Variants in MAPK8 observed in about 807,000 individuals in gnomAD.
MAPK8 encodes JUN N-terminal kinase.
In MAPK8, 13 loss-of-function variants were observed where a neutral mutation model predicts 52.9. The ratio of observed to expected loss-of-function variants is 0.25; its 90% CI spans 0.16 to 0.39. The LOEUF is 0.39. Ranked by LOEUF, MAPK8 falls within the 10% of genes least tolerant of loss-of-function variation. The probability of loss-of-function intolerance (pLI) is 1.00; values close to 1 mark genes in which losing one functional copy is unlikely to be tolerated. For missense variants in MAPK8, 300 were observed against 519.2 expected, an observed-to-expected ratio of 0.58 and a Z score of 4.10; for synonymous variants, 191 against 169.8, an observed-to-expected ratio of 1.12 and a Z score of -0.97.
At chr10:48,327,017 A>C (rs1843590630) in intron 1 of MAPK8, among the ~76,000 whole-genome samples, 1 of 152,186 alleles carries the variant, frequency 6.6e-6, no homozygotes, top group Non-Finnish European at 1.5e-5. Context: ...TGCAAACAGA[A>C]ACAGTTTTAT....
intron 1 of MAPK8, among the ~76,000 whole-genome samples, chr10:48,321,091 T>TTG (rs1554809411): frequency 1.4e-5 from 2 of 144,596 alleles, no homozygotes; most frequent in East Asian, 4.0e-4. Context: ...TTGTAAGAGT[T>TTG]TTTTTTTTTT....
chr10:48,330,054 TGA>T (rs1395307150), intron 1 of MAPK8, among the ~76,000 whole-genome samples: 10 of 152,242 alleles, frequency 6.6e-5, no homozygotes, highest in Non-Finnish European at 1.3e-4. Flanking sequence ...TGTGCACATG[TGA>T]GAGAGATTTA....
chr10:48,324,804 A>T (rs1843340883), intron 1 of MAPK8, among the ~76,000 whole-genome samples: 1 of 152,194 alleles, frequency 6.6e-6, no homozygotes, highest in Non-Finnish European at 1.5e-5. Context: ...TCTATCCATT[A>T]TAACAATGGG....
intron 11 of MAPK8, among the ~76,000 whole-genome samples, chr10:48,433,084 T>C (rs1168904794): frequency 2.0e-5 from 3 of 152,192 alleles, no homozygotes; most frequent in African/African-American, 4.8e-5. Flanking sequence ...GCCTTGAGTG[T>C]ATAGAGGCTC....
intron 1 of MAPK8, among the ~76,000 whole-genome samples, chr10:48,361,406 T>C (rs1035951498): frequency 6.6e-6 from 1 of 152,130 alleles, no homozygotes; most frequent in Non-Finnish European, 1.5e-5. Context: ...TGTTTTCCAC[T>C]TCCCTTCTCC....
intron 1 of MAPK8, among the ~76,000 whole-genome samples, chr10:48,370,240 A>C (rs1302592294): frequency 6.6e-6 from 1 of 152,154 alleles, no homozygotes. Flanking sequence ...ATTATTTACA[A>C]ATAAGGTAAA....
chr10:48,349,871 C>G (rs1846136752), intron 1 of MAPK8, among the ~76,000 whole-genome samples: 2 of 151,910 alleles, frequency 1.3e-5, no homozygotes, highest in Admixed American at 6.6e-5. Flanking sequence ...GACTGCTAGT[C>G]AGACTAATAA....
chr10:48,353,515 A>G (rs1846543101), intron 1 of MAPK8, among the ~76,000 whole-genome samples: 1 of 152,256 alleles, frequency 6.6e-6, no homozygotes, highest in Admixed American at 6.5e-5. Context: ...GTACTGGCAC[A>G]GTTGGATAGC....
chr10:48,334,708 C>T (rs920030907), intron 1 of MAPK8, among the ~76,000 whole-genome samples: 13 of 152,132 alleles, frequency 8.5e-5, no homozygotes, highest in East Asian at 1.9e-4. Context: ...AGATCCCAGA[C>T]GGGCCCCCAA....
At chr10:48,328,441 T>G (rs1843747052) in intron 1 of MAPK8, among the ~76,000 whole-genome samples, 1 of 152,204 alleles carries the variant, frequency 6.6e-6, no homozygotes, top group Admixed American at 6.5e-5. Flanking sequence ...TCTCTTGAGG[T>G]GGCTGCTGTG....
chr10:48,365,719 C>G (rs1847972143), intron 1 of MAPK8, among the ~76,000 whole-genome samples: 1 of 152,048 alleles, frequency 6.6e-6, no homozygotes, highest in African/African-American at 2.4e-5. Flanking sequence ...ATATTGAATC[C>G]TAGCCATTTT....
intron 7 of MAPK8, 107 bp from the exon 8 acceptor site, chr10:48,425,779 GCC>G (rs2043643307): frequency 5.0e-6 from 3 of 599,800 alleles, no homozygotes; most frequent in Non-Finnish European, 8.2e-6. Flanking sequence ...ATTTATAACT[GCC>G]ACATCCTTTC....
chr10:48,394,232 CTCTT>C (rs1283118424), intron 1 of MAPK8, among the ~76,000 whole-genome samples: 1 of 151,892 alleles, frequency 6.6e-6, no homozygotes, highest in Non-Finnish European at 1.5e-5. Context: ...TTTCCATACA[CTCTT>C]TCTGAAAATA....
intron 5 of MAPK8, among the ~76,000 whole-genome samples, chr10:48,414,961 TAATAA>T (rs1372494175): frequency 6.6e-6 from 1 of 152,106 alleles, no homozygotes; most frequent in Non-Finnish European, 1.5e-5. Flanking sequence ...CTTACTCATG[TAATAA>T]AATAAATACA....
chr10:48,392,802 A>G (rs2041696793), intron 1 of MAPK8, among the ~76,000 whole-genome samples: 1 of 151,986 alleles, frequency 6.6e-6, no homozygotes, highest in Admixed American at 6.6e-5. Context: ...ACTCCTCTTT[A>G]TCTATTTCAT....
intron 6 of MAPK8, among the ~76,000 whole-genome samples, chr10:48,422,157 G>A (rs986034219): frequency 6.6e-6 from 1 of 151,886 alleles, no homozygotes; most frequent in South Asian, 2.1e-4. Flanking sequence ...TTCAGCCTAC[G>A]AGTAGCTGGG....
intron 7 of MAPK8, chr10:48,424,675 C>A: frequency 1.4e-6 from 1 of 727,754 alleles, no homozygotes; most frequent in Non-Finnish European, 2.2e-6. Context: ...TATTTTGTCT[C>A]TCCCTAATAT....
intron 1 of MAPK8, among the ~76,000 whole-genome samples, chr10:48,390,335 A>G (rs1291439180): frequency 3.3e-5 from 5 of 152,220 alleles, no homozygotes; most frequent in African/African-American, 1.2e-4. Context: ...AACCAAATAT[A>G]TGGGCACCCT....
Position 48,399,856 on chromosome 10 carries a change from C to G in MAPK8, c.-49-1756C>G, listed in dbSNP as rs72794374. On this transcript the variant is annotated intron_variant, in intron 1 of 11. Transcript: ENST00000374189. Reference sequence around the variant, plus strand: ...TGAATGCTTGGGTGGAAGGTTTAACCTTCCCAAAGGTGAAAACACCATCAA... The same window carrying G: ...TGAATGCTTGGGTGGAAGGTTTAACGTTCCCAAAGGTGAAAACACCATCAA... 8.1e-3 allele frequency among the ~76,000 whole-genome samples: 1,229 copies of G among 151,978 alleles called. 8 individuals are homozygous for G. Among genetic ancestry groups the G allele is most frequent in the Non-Finnish European group, 0.013 (881 of 68,018 alleles).
Sources: gnomAD v4.1 joint callset for allele counts (sites outside exome capture counted in the v4.1 genomes callset) on GRCh38, gnomAD v4.1.1 for gene constraint, MANE v1.5 for transcripts, NCBI Gene and HGNC (gene_info 2026-07-23, HGNC 2026-07-21) for gene names.